Variants in ME3 observed in about 807,000 individuals in gnomAD.
The protein encoded by ME3 is NADP-dependent malic enzyme, mitochondrial.
In ME3, 48 loss-of-function variants were observed where a neutral mutation model predicts 68.9. The observed-to-expected ratio is 0.70, with a 90% confidence interval of 0.55 to 0.89. ME3 has a LOEUF of 0.89. ME3 is among the 40% of genes least tolerant of loss of function. ME3 has a pLI of 0.00. For missense variants in ME3, 675 were observed against 797.4 expected, an observed-to-expected ratio of 0.85 and a Z score of 1.85; for synonymous variants, 320 against 318.8, an observed-to-expected ratio of 1.00 and a Z score of -0.04.
intron 4 of ME3, among the ~76,000 whole-genome samples, chr11:86,547,547 G>A (rs1956439675): frequency 6.6e-6 from 1 of 152,040 alleles, no homozygotes; most frequent in South Asian, 2.1e-4. Context: ...GGGTTGATGG[G>A]TGCAGTAAAC....
intron 2 of ME3, among the ~76,000 whole-genome samples, chr11:86,647,849 G>T (rs371677448): frequency 6.6e-6 from 1 of 152,090 alleles, no homozygotes; most frequent in East Asian, 1.9e-4. Flanking sequence ...ACAGATCAAC[G>T]AGACATAAAA....
chr11:86,555,327 A>G (rs1479022573), intron 4 of ME3, among the ~76,000 whole-genome samples: 1 of 152,152 alleles, frequency 6.6e-6, no homozygotes, highest in Non-Finnish European at 1.5e-5. Flanking sequence ...CTGAGAAGGA[A>G]CAGGGGAAGT....
chr11:86,515,815 A>G (rs956794836), intron 4 of ME3, among the ~76,000 whole-genome samples: 9 of 152,174 alleles, frequency 5.9e-5, no homozygotes, highest in Admixed American at 6.5e-5. Context: ...CCCCTTTGAC[A>G]GCTAATGTGA....
At chr11:86,498,053 A>T (rs775069577) in exon 6 of ME3, 1 of 1,613,712 alleles carries the variant, frequency 6.2e-7, no homozygotes, top group Non-Finnish European at 8.5e-7. Context: ...GCTTGCCCAC[A>T]GGGATGCCCA....
At chr11:86,576,275 T>C (rs1267105232) in intron 2 of ME3, among the ~76,000 whole-genome samples, 2 of 152,116 alleles carry the variant, frequency 1.3e-5, no homozygotes, top group Non-Finnish European at 1.5e-5. Context: ...AGGAGGTAAC[T>C]AAAGAGAGGA....
chr11:86,503,810 G>A (rs1171606486), intron 5 of ME3, among the ~76,000 whole-genome samples: 5 of 152,206 alleles, frequency 3.3e-5, no homozygotes, highest in African/African-American at 9.6e-5. Flanking sequence ...CTCCTCCTGC[G>A]AAGCTCCTGG....
intron 2 of ME3, among the ~76,000 whole-genome samples, chr11:86,615,323 C>T (rs1942881950): frequency 6.6e-6 from 1 of 152,178 alleles, no homozygotes; most frequent in Non-Finnish European, 1.5e-5. Context: ...TAAGGATTAA[C>T]TATTCAATCA....
intron 4 of ME3, among the ~76,000 whole-genome samples, chr11:86,528,404 A>C (rs904425894): frequency 4.5e-4 from 68 of 152,292 alleles, no homozygotes; most frequent in Non-Finnish European, 1.3e-4. Flanking sequence ...CACAATAATA[A>C]TGGGAGAGTT....
intron 2 of ME3, among the ~76,000 whole-genome samples, chr11:86,616,953 T>C (rs779153506): frequency 1.3e-4 from 20 of 150,810 alleles, no homozygotes; most frequent in Non-Finnish European, 2.8e-4. Context: ...ATGGAAATGT[T>C]AACAATGTGG....
intron 4 of ME3, among the ~76,000 whole-genome samples, chr11:86,555,965 C>CT (rs894500893): frequency 7.2e-5 from 11 of 151,814 alleles, no homozygotes; most frequent in African/African-American, 2.2e-4. Context: ...ACCATTTTTT[C>CT]TTTTTTTTAA....
chr11:86,642,305 A>T (rs1944718717), intron 2 of ME3, among the ~76,000 whole-genome samples: 1 of 152,226 alleles, frequency 6.6e-6, no homozygotes. Flanking sequence ...GTGTGAAAAT[A>T]AGAGTCCCAC....
intron 2 of ME3, among the ~76,000 whole-genome samples, chr11:86,609,965 T>C (rs1349396058): frequency 6.6e-6 from 1 of 152,218 alleles, no homozygotes; most frequent in African/African-American, 2.4e-5. Context: ...CTGCATTTGT[T>C]AACCCATTTA....
chr11:86,514,139 T>C (rs635934), intron 4 of ME3, among the ~76,000 whole-genome samples: 38,308 of 152,020 alleles, frequency 0.25, 5,349 homozygotes, highest in African/African-American at 0.38. Flanking sequence ...CCTGCTTGCA[T>C]TTCTCTCTCC....
intron 14 of ME3, 97 bp downstream of exon 14, chr11:86,442,724 T>C: frequency 1.0e-6 from 1 of 993,982 alleles, no homozygotes; most frequent in Non-Finnish European, 1.5e-6. Flanking sequence ...AGATCCAGTG[T>C]CTCCACAGTT....
At chr11:86,633,970 G>C (rs895068778) in intron 2 of ME3, among the ~76,000 whole-genome samples, 3 of 152,172 alleles carry the variant, frequency 2.0e-5, no homozygotes, top group Non-Finnish European at 4.4e-5. Context: ...GTCCAGATAG[G>C]AGGAAAGAAA....
chr11:86,444,205 C>T (rs1949159635), intron 13 of ME3, among the ~76,000 whole-genome samples: 1 of 152,148 alleles, frequency 6.6e-6, no homozygotes, highest in Non-Finnish European at 1.5e-5. Flanking sequence ...AAGGACAAAG[C>T]ATGAATTAGG....
chr11:86,653,886 A>G (rs1303888227), intron 2 of ME3, among the ~76,000 whole-genome samples: 1 of 152,214 alleles, frequency 6.6e-6, no homozygotes, highest in African/African-American at 2.4e-5. Flanking sequence ...AGAATCAAGT[A>G]GAGGCAATAA....
chr11:86,469,783 C>T (rs1399869740), intron 7 of ME3, among the ~76,000 whole-genome samples: 2 of 151,998 alleles, frequency 1.3e-5, no homozygotes, highest in African/African-American at 4.8e-5. Flanking sequence ...TTGGAGTGGC[C>T]AGGGAAGGCA....
At chr11:86,481,862 C>T (rs1217821393) in intron 7 of ME3, among the ~76,000 whole-genome samples, 1 of 152,180 alleles carries the variant, frequency 6.6e-6, no homozygotes, top group African/African-American at 2.4e-5. Flanking sequence ...TAGCACACTG[C>T]TGCCACCCCT....
Sources: gnomAD v4.1 joint callset for allele counts (sites outside exome capture counted in the v4.1 genomes callset) on GRCh38, gnomAD v4.1.1 for gene constraint, MANE v1.5 for transcripts, NCBI Gene and HGNC (gene_info 2026-07-23, HGNC 2026-07-21) for gene names.